The following ARHGAP35 variants were observed in gnomAD, a reference collection of about 807,000 sequenced individuals.
The protein encoded by ARHGAP35 is Rho GTPase activating protein 35, also known as rho GTPase-activating protein 35.
Under a neutral mutation model 111.1 loss-of-function variants are expected in ARHGAP35, and 15 were observed. That is an observed-to-expected ratio of 0.13 (90% CI 0.09 to 0.21). The LOEUF is 0.21. Ranked by LOEUF, ARHGAP35 falls within the 10% of genes least tolerant of loss-of-function variation. The pLI is 1.00. For missense variants in ARHGAP35, 1,262 were observed against 1,873.0 expected (o/e 0.67, Z 6.02); for synonymous variants, 643 against 710.3 (o/e 0.91, Z 1.51).
At chr19:46,948,384 A>G (rs2056392637) in intron 3 of ARHGAP35, 1 of 152,252 alleles carries the variant, frequency 6.6e-6, no homozygotes, top group Admixed American at 6.5e-5. Context: ...ATGCAAGGAA[A>G]AAAAGCTAAA....
chr19:46,884,533 G>T (rs757517640), intron 1 of ARHGAP35, among the ~76,000 whole-genome samples: 13 of 138,436 alleles, frequency 9.4e-5, no homozygotes, highest in Non-Finnish European at 1.2e-4. Context: ...TTGAGATAGG[G>T]TCTCTTGTCC....
intron 5 of ARHGAP35, among the ~76,000 whole-genome samples, chr19:46,996,361 C>T (rs979639095): frequency 6.6e-6 from 1 of 152,156 alleles, no homozygotes; most frequent in African/African-American, 2.4e-5. Flanking sequence ...CCTCAGCCTC[C>T]CAAGTGCTGG....
At chr19:46,940,420 C>T (rs1257833168) in intron 3 of ARHGAP35, among the ~76,000 whole-genome samples, 1 of 151,364 alleles carries the variant, frequency 6.6e-6, no homozygotes, top group African/African-American at 2.4e-5. Flanking sequence ...CCCAGCTACT[C>T]GGGAAGCTGA....
intron 1 of ARHGAP35, among the ~76,000 whole-genome samples, chr19:46,882,463 G>A (rs116534494): frequency 5.3e-5 from 8 of 152,200 alleles, no homozygotes; most frequent in African/African-American, 1.9e-4. Context: ...TCAGCAATAG[G>A]CTGTTTCACT....
intron 5 of ARHGAP35, among the ~76,000 whole-genome samples, chr19:46,997,910 A>G (rs967721694): frequency 6.6e-6 from 1 of 151,990 alleles, no homozygotes; most frequent in African/African-American, 2.4e-5. Context: ...AGACCATCCT[A>G]GCTAACACGG....
At chr19:46,912,816 T>G (rs1265893643) in intron 1 of ARHGAP35, among the ~76,000 whole-genome samples, 2 of 151,452 alleles carry the variant, frequency 1.3e-5, no homozygotes, top group Non-Finnish European at 2.9e-5. Context: ...CAACTGAGTC[T>G]TTTCAAGTGT....
At position 46,921,021 on chromosome 19, in the gene ARHGAP35, G is replaced by A. The variant is rs777754542; in HGVS notation, c.2346G>A (p.Leu782=). 17 of 1,613,888 alleles carry A rather than the reference G, an allele frequency of 1.1e-5. No individual in the cohort carries two copies. Among genetic ancestry groups the A allele is most frequent in the Non-Finnish European group, 1.1e-5 (13 of 1,179,906 alleles). ...TCAAAGATTTGGCTGATGTTGATCT[G>A]CGAATTGTTATGTGTCTGATGTGTG... ...ASIKDLADVD[L]RIVMCLMCGD... is the part of the protein sequence containing the mutation. The change falls in exon 2 of 7, where the codon CTG becomes CTA. Residue 782 remains leucine, a synonymous_variant. Transcript: ENST00000672722. The surrounding 1 kb of genome is among the most constrained non-coding windows in gnomAD (Gnocchi z 4.3).
chr19:46,943,838 C>G (rs545507257), intron 3 of ARHGAP35, among the ~76,000 whole-genome samples: 6 of 152,246 alleles, frequency 3.9e-5, no homozygotes, highest in African/African-American at 1.4e-4. Context: ...TGCCGCAGGG[C>G]CTTTGATGCT....
intron 3 of ARHGAP35, among the ~76,000 whole-genome samples, chr19:46,982,180 A>G (rs1364272764): frequency 6.6e-6 from 1 of 151,944 alleles, no homozygotes; most frequent in East Asian, 1.9e-4. Context: ...ACCAAGACTG[A>G]AAACTGTGTA....
chr19:46,994,576 C>T lies in ARHGAP35; in HGVS notation c.4037-4728C>T, dbSNP rs558661034. ...GCAAGTAGCAGCCAGCCAGAGGCGCCGTGAACTCGCCGGGGATGAGGATGG... is the reference window on the plus strand; with the variant it reads ...GCAAGTAGCAGCCAGCCAGAGGCGCTGTGAACTCGCCGGGGATGAGGATGG... On this transcript the variant is annotated intron_variant, in intron 5 of 6. Transcript: ENST00000672722. This position sits in a 1 kb window ranked among gnomAD's most constrained non-coding sequence, Gnocchi z 5.4. Among the ~76,000 whole-genome samples, 5 of 152,242 alleles carry T rather than the reference C, an allele frequency of 3.3e-5. No homozygotes were observed. The highest frequency in any genetic ancestry group is 1.9e-4 in the East Asian group (1 of 5,172).
At chr19:46,898,491 T>A (rs528129088) in intron 1 of ARHGAP35, among the ~76,000 whole-genome samples, 1 of 152,360 alleles carries the variant, frequency 6.6e-6, no homozygotes, top group South Asian at 2.1e-4. Flanking sequence ...GGATATTTTT[T>A]AAAATTGCTA....
At chr19:46,998,808 C>T (rs371392253) in intron 5 of ARHGAP35, among the ~76,000 whole-genome samples, 13 of 152,218 alleles carry the variant, frequency 8.5e-5, no homozygotes, top group East Asian at 3.9e-4. Context: ...GCCCCTCCAA[C>T]GGGGATGTGT....
chr19:46,868,102 A>G (rs2055868350), intron 1 of ARHGAP35, among the ~76,000 whole-genome samples: 1 of 151,782 alleles, frequency 6.6e-6, no homozygotes, highest in Non-Finnish European at 1.5e-5. Flanking sequence ...TCCTGACCTC[A>G]GGTGATCCAC....
At chr19:46,906,436 A>G (rs2056108271) in intron 1 of ARHGAP35, among the ~76,000 whole-genome samples, 1 of 152,178 alleles carries the variant, frequency 6.6e-6, no homozygotes, top group Non-Finnish European at 1.5e-5. Flanking sequence ...GCTTCTCTGC[A>G]TTTCTTCTCT....
At chr19:46,868,100 T>A (rs2055868313) in intron 1 of ARHGAP35, among the ~76,000 whole-genome samples, 1 of 152,216 alleles carries the variant, frequency 6.6e-6, no homozygotes, top group Non-Finnish European at 1.5e-5. Flanking sequence ...ACTCCTGACC[T>A]CAGGTGATCC....
chr19:46,920,887 G>T lies in ARHGAP35; in HGVS notation c.2212G>T (p.Ala738Ser), dbSNP rs759688841. The part of the protein sequence containing the change: ...LQCVFLDPAS[A>S]GIGYGRNINE... ...GTGTGTCTTTCTCGACCCTGCTTCT[G>T]CTGGCATTGGTTACGGACGCAACAT... The change falls in exon 2 of 7, where the codon GCT (alanine) becomes TCT (serine). Residue 738 changes from alanine to serine, a missense_variant. Around this residue, in one of 8 missense-constraint regions of ARHGAP35, gnomAD observed 579 missense variants for 716.9 expected, o/e 0.81. Transcript: ENST00000672722. This position sits in a 1 kb window ranked among gnomAD's most constrained non-coding sequence, Gnocchi z 7.0. 6 of 1,613,822 alleles carry T rather than the reference G, an allele frequency of 3.7e-6. 1 individual carries two copies. The South Asian group carries it at 4.4e-5, about 12-fold the overall frequency.
chr19:46,960,624 A>G (rs916300355), intron 3 of ARHGAP35, among the ~76,000 whole-genome samples: 2 of 152,208 alleles, frequency 1.3e-5, no homozygotes, highest in African/African-American at 4.8e-5. Context: ...AAATTGTAGA[A>G]TCGTTAGAAG....
chr19:46,870,376 G>A (rs569822398), intron 1 of ARHGAP35, among the ~76,000 whole-genome samples: 58 of 151,826 alleles, frequency 3.8e-4, no homozygotes, highest in Non-Finnish European at 5.9e-4. Context: ...TCAGGAGATC[G>A]AGACCACCGT....
intron 2 of ARHGAP35, among the ~76,000 whole-genome samples, chr19:46,933,525 C>T (rs928994194): frequency 2.6e-5 from 4 of 152,128 alleles, no homozygotes; most frequent in African/African-American, 4.8e-5. Flanking sequence ...GATTATAAGC[C>T]GTGGTGGTTA....
Sources: allele counts gnomAD v4.1 joint callset (sites outside exome capture counted in the v4.1 genomes callset), GRCh38; gene constraint gnomAD v4.1.1; regional missense constraint gnomAD v4.1.1; non-coding constraint Gnocchi (gnomAD v3.1); transcripts MANE v1.5; gene names NCBI Gene and HGNC (gene_info 2026-07-23, HGNC 2026-07-21).